LY86: variants seen among roughly 807,000 people sequenced by gnomAD.
LY86 encodes the protein lymphocyte antigen 86.
In LY86, 20 loss-of-function variants were observed where a neutral mutation model predicts 17.3. That is an observed-to-expected ratio of 1.15 (90% CI 0.81 to 1.68). The LOEUF is 1.68. Ranked by LOEUF, LY86 falls within the 40% of genes most tolerant of loss-of-function variation. The probability of loss-of-function intolerance (pLI) is 0.00; values close to 1 mark genes in which losing one functional copy is unlikely to be tolerated. For missense variants in LY86, 200 were observed against 191.9 expected, an observed-to-expected ratio of 1.04 and a Z score of -0.25; for synonymous variants, 74 against 70.6, an observed-to-expected ratio of 1.05 and a Z score of -0.24.
intron 1 of LY86, among the ~76,000 whole-genome samples, chr6:6,608,355 C>G (rs907623571): frequency 2.0e-5 from 3 of 152,232 alleles, no homozygotes; most frequent in Non-Finnish European, 2.9e-5. Context: ...AGATAGCTAG[C>G]ATGCATCGCG....
intron 1 of LY86, among the ~76,000 whole-genome samples, chr6:6,596,618 G>A (rs1212490020): frequency 6.6e-6 from 1 of 152,224 alleles, no homozygotes; most frequent in African/African-American, 2.4e-5. Flanking sequence ...GCCTTGAGTA[G>A]GGCAAGGCCT....
intron 3 of LY86, among the ~76,000 whole-genome samples, chr6:6,642,253 G>A (rs753339343): frequency 2.6e-5 from 4 of 152,200 alleles, no homozygotes; most frequent in Non-Finnish European, 4.4e-5. Flanking sequence ...CCTGAGCCAG[G>A]CACATTCTGT....
At chr6:6,634,719 A>C (rs1028675265) in intron 3 of LY86, among the ~76,000 whole-genome samples, 4 of 152,162 alleles carry the variant, frequency 2.6e-5, no homozygotes, top group Non-Finnish European at 5.9e-5. Context: ...ATCAATTCAA[A>C]ATTCTGTCTT....
At chr6:6,642,870 C>T (rs1224597773) in intron 3 of LY86, among the ~76,000 whole-genome samples, 1 of 152,262 alleles carries the variant, frequency 6.6e-6, no homozygotes, top group East Asian at 1.9e-4. Context: ...CCTCCCTCCT[C>T]CTCCTCCGGA....
At chr6:6,592,607 C>G (rs1390558462) in intron 1 of LY86, among the ~76,000 whole-genome samples, 1 of 152,156 alleles carries the variant, frequency 6.6e-6, no homozygotes, top group Non-Finnish European at 1.5e-5. Context: ...CCCAGTGTGA[C>G]AGCATTAGAA....
At chr6:6,610,954 GGAA>G (rs1473429488) in intron 1 of LY86, among the ~76,000 whole-genome samples, 1 of 152,154 alleles carries the variant, frequency 6.6e-6, no homozygotes, top group African/African-American at 2.4e-5. Context: ...AAAATATATA[GGAA>G]GAAGACAGAA....
At chr6:6,592,240 A>C (rs1488279746) in intron 1 of LY86, among the ~76,000 whole-genome samples, 1 of 152,176 alleles carries the variant, frequency 6.6e-6, no homozygotes, top group East Asian at 1.9e-4. Flanking sequence ...TTTTCTGAAA[A>C]AGCAGAAGTC....
intron 1 of LY86, among the ~76,000 whole-genome samples, chr6:6,597,882 A>C (rs1238416249): frequency 6.6e-6 from 1 of 152,278 alleles, no homozygotes; most frequent in African/African-American, 2.4e-5. Flanking sequence ...AATGGCGTCC[A>C]AAGGCTCTCT....
intron 1 of LY86, among the ~76,000 whole-genome samples, chr6:6,595,285 G>A (rs1164207229): frequency 2.7e-5 from 4 of 148,944 alleles, no homozygotes; most frequent in African/African-American, 1.0e-4. Flanking sequence ...TGAGGAAGAG[G>A]TGGGGAAGAA....
intron 1 of LY86, among the ~76,000 whole-genome samples, chr6:6,597,762 G>A (rs1157816396): frequency 6.6e-6 from 1 of 152,198 alleles, no homozygotes; most frequent in Admixed American, 6.5e-5. Context: ...GAAGTGAGTG[G>A]TAACCAACAC....
chr6:6,600,587 C>CAAAAAAAAAAAAA (rs59560744), intron 1 of LY86, among the ~76,000 whole-genome samples: 36 of 82,452 alleles, frequency 4.4e-4, no homozygotes, highest in East Asian at 7.6e-4. Context: ...GAGACTCCAT[C>CAAAAAAAAAAAAA]AAAAAAAAAA....
At chr6:6,651,959 G>A (rs1762192519) in intron 4 of LY86, among the ~76,000 whole-genome samples, 1 of 149,240 alleles carries the variant, frequency 6.7e-6, no homozygotes, top group Non-Finnish European at 1.5e-5. Flanking sequence ...GGGAGGCTGA[G>A]GCATGAGAAT....
intron 1 of LY86, among the ~76,000 whole-genome samples, chr6:6,591,983 G>A (rs781694189): frequency 2.6e-5 from 4 of 152,168 alleles, no homozygotes; most frequent in East Asian, 3.9e-4. Context: ...AGACAATGGC[G>A]GGCTGCCTCC....
intron 4 of LY86, among the ~76,000 whole-genome samples, chr6:6,652,941 G>A (rs1429145770): frequency 6.6e-6 from 1 of 152,192 alleles, no homozygotes; most frequent in Non-Finnish European, 1.5e-5. Flanking sequence ...TGCACATAGA[G>A]ATTTTAAAGA....
intron 1 of LY86, among the ~76,000 whole-genome samples, chr6:6,594,494 G>A (rs1444247048): frequency 6.6e-6 from 1 of 152,094 alleles, no homozygotes; most frequent in Non-Finnish European, 1.5e-5. Context: ...TGACCACATG[G>A]CAAGGCTCCA....
At chr6:6,596,585 C>T (rs534021684) in intron 1 of LY86, among the ~76,000 whole-genome samples, 1 of 152,168 alleles carries the variant, frequency 6.6e-6, no homozygotes. Flanking sequence ...TGACTCTGGG[C>T]GCGCAGGATT....
chr6:6,647,153 A>C (rs1490606739), intron 3 of LY86, among the ~76,000 whole-genome samples: 1 of 152,186 alleles, frequency 6.6e-6, no homozygotes. Flanking sequence ...ACCTGAACTC[A>C]TTCTGCTCTG....
At chr6:6,611,704 C>A (rs1026380224) in intron 1 of LY86, among the ~76,000 whole-genome samples, 1 of 152,198 alleles carries the variant, frequency 6.6e-6, no homozygotes, top group South Asian at 2.1e-4. Context: ...GTTTGTCCCC[C>A]CTTTCTCCTG....
chr6:6,605,895 G>C (rs111546794), intron 1 of LY86, among the ~76,000 whole-genome samples: 33 of 151,230 alleles, frequency 2.2e-4, no homozygotes, highest in Admixed American at 3.3e-4. Flanking sequence ...TGGGTTCTTA[G>C]TCTCGCTGGC....
Sources: gnomAD v4.1 joint callset for allele counts (sites outside exome capture counted in the v4.1 genomes callset) on GRCh38, gnomAD v4.1.1 for gene constraint, MANE v1.5 for transcripts, NCBI Gene and HGNC (gene_info 2026-07-23, HGNC 2026-07-21) for gene names.